MARCHF11: variants seen among roughly 807,000 people sequenced by gnomAD.
MARCHF11 encodes membrane associated ring-CH-type finger 11.
MARCHF11 carries 29 observed loss-of-function variants against 37.3 expected under a neutral mutation model. The ratio of observed to expected loss-of-function variants is 0.78; its 90% CI spans 0.58 to 1.06. The LOEUF (loss-of-function observed/expected upper bound fraction) is 1.06, where lower values mean the gene tolerates loss of function less well. Among genes scored for constraint, MARCHF11 ranks in the 50% least tolerant of loss-of-function variants. The pLI, the probability that MARCHF11 is intolerant of heterozygous loss-of-function variation, is 0.00. For missense variants in MARCHF11, 482 were observed against 533.4 expected, an observed-to-expected ratio of 0.90 and a Z score of 0.95; for synonymous variants, 233 against 228.0, an observed-to-expected ratio of 1.02 and a Z score of -0.20.
chr5:16,073,111 T>C (rs1275623952), intron 3 of MARCHF11, among the ~76,000 whole-genome samples: 1 of 152,074 alleles, frequency 6.6e-6, no homozygotes, highest in East Asian at 1.9e-4. Context: ...GAGAAGTGAG[T>C]GTGCACAGGA....
intron 2 of MARCHF11, among the ~76,000 whole-genome samples, chr5:16,107,827 G>C (rs1737069502): frequency 6.6e-6 from 1 of 150,768 alleles, no homozygotes; most frequent in South Asian, 2.1e-4. Context: ...TGAGCACCTA[G>C]AGGAGTTTGG....
chr5:16,150,867 T>C (rs899407668), intron 2 of MARCHF11, among the ~76,000 whole-genome samples: 6 of 151,988 alleles, frequency 3.9e-5, no homozygotes, highest in African/African-American at 9.7e-5. Context: ...CAAGAGAACA[T>C]TGTGGAAAAA....
chr5:16,155,153 G>A (rs1175221075), intron 2 of MARCHF11, among the ~76,000 whole-genome samples: 1 of 151,760 alleles, frequency 6.6e-6, no homozygotes, highest in East Asian at 1.9e-4. Flanking sequence ...AAAGTAGAGA[G>A]CCATACACAC....
At chr5:16,092,657 G>T (rs1579682042) in intron 2 of MARCHF11, among the ~76,000 whole-genome samples, 1 of 152,074 alleles carries the variant, frequency 6.6e-6, no homozygotes, top group Admixed American at 6.5e-5. Context: ...CCTGGATAAC[G>T]GGTTGATGGG....
intron 2 of MARCHF11, among the ~76,000 whole-genome samples, chr5:16,132,465 C>G (rs994513125): frequency 1.3e-5 from 2 of 152,152 alleles, no homozygotes; most frequent in Non-Finnish European, 2.9e-5. Flanking sequence ...CAGTGCCTGA[C>G]ATGGCACAGT....
intron 2 of MARCHF11, among the ~76,000 whole-genome samples, chr5:16,111,314 T>C (rs928346151): frequency 1.3e-5 from 2 of 152,186 alleles, no homozygotes; most frequent in East Asian, 3.9e-4. Flanking sequence ...GTTGAATGGC[T>C]TTGACTAAAA....
chr5:16,106,149 G>A (rs558882678), intron 2 of MARCHF11, among the ~76,000 whole-genome samples: 47 of 152,232 alleles, frequency 3.1e-4, no homozygotes, highest in Admixed American at 8.5e-4. Flanking sequence ...ATGGCAGGGC[G>A]TATTGGGAGA....
chr5:16,136,648 A>G (rs770378829), intron 2 of MARCHF11, among the ~76,000 whole-genome samples: 1 of 152,226 alleles, frequency 6.6e-6, no homozygotes, highest in Admixed American at 6.5e-5. Flanking sequence ...TTGGAGGTAC[A>G]CAGGAAGAGA....
intron 2 of MARCHF11, among the ~76,000 whole-genome samples, chr5:16,142,321 C>T (rs1413040839): frequency 2.0e-5 from 3 of 152,224 alleles, no homozygotes; most frequent in African/African-American, 7.2e-5. Flanking sequence ...CCTATGTCCT[C>T]ACCTCCTCCA....
intron 2 of MARCHF11, among the ~76,000 whole-genome samples, chr5:16,128,468 A>G (rs113717261): frequency 0.029 from 4,490 of 152,264 alleles, 236 homozygotes; most frequent in African/African-American, 0.1. Flanking sequence ...GGTATGCCCA[A>G]AGCCACTGAG....
Position 16,179,241 on chromosome 5 carries a change from GC to G in MARCHF11, c.334del (p.Ala112ArgfsTer72). The G allele has an allele frequency of 7.4e-7, 1 of 1,343,446 alleles. No homozygotes were observed. Among genetic ancestry groups the G allele is most frequent in the Non-Finnish European group, 9.5e-7 (1 of 1,047,494 alleles). 83.2% of individuals were successfully genotyped at this position (1,343,446 alleles called of 1,614,324 possible). On this transcript the variant is annotated frameshift_variant, in exon 1 of 4. Coordinates refer to ENST00000332432, the MANE Select transcript of MARCHF11 (RefSeq NM_001102562.3). LOFTEE classifies it high-confidence loss of function. The stretch of plus-strand genomic sequence containing the variant: ...CCCGGGGCCGCCTTTCGCTGCTGCC[GC>G]CTCCGGGAGGCGCCTCGGACCTTCC... Reference protein sequence around the residue: ...SGEGPRRLPEAAAAKGGPGES... With the variant: ...SGEGPRRLPEXAAAKGGPGES...
intron 2 of MARCHF11, among the ~76,000 whole-genome samples, chr5:16,146,781 T>C (rs1386981042): frequency 6.6e-6 from 1 of 152,146 alleles, no homozygotes; most frequent in East Asian, 1.9e-4. Flanking sequence ...ATAACACACT[T>C]TGAAGGCAGG....
chr5:16,146,843 A>G lies in MARCHF11; in HGVS notation c.693+30883T>C, dbSNP rs1291346170. 4.6e-5 allele frequency among the ~76,000 whole-genome samples: 7 copies of G among 152,236 alleles called. No individual in the cohort carries two copies. In the South Asian group the frequency reaches 1.5e-3, roughly 32 times the overall value. ...GGATGTAGCAGCCACATGTCTTAAG[A>G]AAGAACAACTCTTTTCTTCTATTAT... On this transcript the variant is annotated intron_variant, in intron 2 of 3. Coordinates refer to ENST00000332432, the MANE Select transcript of MARCHF11 (RefSeq NM_001102562.3).
intron 2 of MARCHF11, among the ~76,000 whole-genome samples, chr5:16,163,712 G>C (rs1189009245): frequency 6.6e-6 from 1 of 152,076 alleles, no homozygotes; most frequent in Non-Finnish European, 1.5e-5. Flanking sequence ...TGTTATTAGA[G>C]TGCTATGATT....
intron 2 of MARCHF11, among the ~76,000 whole-genome samples, chr5:16,117,334 T>C (rs1737239898): frequency 6.6e-6 from 1 of 152,216 alleles, no homozygotes; most frequent in Admixed American, 6.5e-5. Context: ...TTCTTATCTA[T>C]CCATTCGGCA....
intron 1 of MARCHF11, 144 bp downstream of exon 1, chr5:16,178,895 G>A: frequency 1.0e-6 from 1 of 1,000,688 alleles, no homozygotes; most frequent in Non-Finnish European, 1.3e-6. Flanking sequence ...AAGGCATATT[G>A]GAGCCAGCGC....
chr5:16,102,830 A>C (rs1736980688), intron 2 of MARCHF11, among the ~76,000 whole-genome samples: 1 of 152,130 alleles, frequency 6.6e-6, no homozygotes, highest in Admixed American at 6.5e-5. Context: ...CCAGGACCCA[A>C]AGGCACTTGC....
chr5:16,160,814 A>G (rs1305933255), intron 2 of MARCHF11, among the ~76,000 whole-genome samples: 12 of 151,954 alleles, frequency 7.9e-5, no homozygotes, highest in Admixed American at 7.9e-4. Flanking sequence ...TTTATTTTCC[A>G]AAAAGGTGAA....
At chr5:16,118,081 AG>A (rs1737249538) in intron 2 of MARCHF11, among the ~76,000 whole-genome samples, 1 of 152,218 alleles carries the variant, frequency 6.6e-6, no homozygotes, top group Non-Finnish European at 1.5e-5. Context: ...GAAGAAGAAC[AG>A]GGGACAGGTG....
Sources: gnomAD v4.1 joint callset for allele counts (sites outside exome capture counted in the v4.1 genomes callset) on GRCh38, gnomAD v4.1.1 for gene constraint, MANE v1.5 for transcripts, NCBI Gene and HGNC (gene_info 2026-07-23, HGNC 2026-07-21) for gene names.